CSMD1: variants seen among roughly 807,000 people sequenced by gnomAD.
The protein encoded by CSMD1 is CUB and Sushi multiple domains 1.
CSMD1 carries 213 observed loss-of-function variants against 417.5 expected under a neutral mutation model. The ratio of observed to expected loss-of-function variants is 0.51; its 90% CI spans 0.46 to 0.57. The LOEUF (loss-of-function observed/expected upper bound fraction) is 0.57. Ranked by LOEUF, CSMD1 falls within the 20% of genes least tolerant of loss-of-function variation. CSMD1 has a pLI of 0.00. For missense variants in CSMD1, 6,923 were observed against 4,529.7 expected, an observed-to-expected ratio of 1.53 and a Z score of -15.17; for synonymous variants, 2,862 against 1,736.8, an observed-to-expected ratio of 1.65 and a Z score of -16.11.
At chr8:3,731,200 G>C (rs937076825) in intron 6 of CSMD1, among the ~76,000 whole-genome samples, 6 of 152,082 alleles carry the variant, frequency 3.9e-5, no homozygotes, top group Admixed American at 3.3e-4. Flanking sequence ...TACCCATTAA[G>C]CAGTTTCTCC....
At chr8:3,541,279 G>C (rs1585331019) in intron 10 of CSMD1, among the ~76,000 whole-genome samples, 1 of 152,188 alleles carries the variant, frequency 6.6e-6, no homozygotes, top group Admixed American at 6.5e-5. Flanking sequence ...TGCAGGAACA[G>C]AAAACCAAAT....
Position 4,754,764 on chromosome 8 carries a change from G to A in CSMD1, c.86-117206C>T, listed in dbSNP as rs138665586. On this transcript the variant is annotated intron_variant, in intron 1 of 69. Coordinates refer to ENST00000635120, the MANE Select transcript of CSMD1 (RefSeq NM_033225.6). ...CTCAGGAGGCTGAGGCAGGAGATTC[G>A]TTTGAACCCAGGAAGCAGAGGTTGC... 6.6e-3 allele frequency among the ~76,000 whole-genome samples: 1,010 copies of A among 152,132 alleles called. 9 individuals are homozygous for A. Among genetic ancestry groups the A allele is most frequent in the African/African-American group, 0.024 (978 of 41,496 alleles).
At chr8:4,956,935 C>T (rs1442818844) in intron 1 of CSMD1, among the ~76,000 whole-genome samples, 1 of 152,164 alleles carries the variant, frequency 6.6e-6, no homozygotes, top group African/African-American at 2.4e-5. Context: ...TTGCACTGGA[C>T]ACAAGGGAGG....
chr8:4,934,748 T>C (rs67389062), intron 1 of CSMD1, among the ~76,000 whole-genome samples: 46,916 of 151,840 alleles, frequency 0.31, 8,173 homozygotes, highest in Non-Finnish European at 0.4. Context: ...ACTATCTATA[T>C]CTATCTACCT....
chr8:3,686,835 T>C (rs982348506), intron 7 of CSMD1, among the ~76,000 whole-genome samples: 6 of 152,202 alleles, frequency 3.9e-5, no homozygotes, highest in African/African-American at 1.4e-4. Flanking sequence ...CACATGAAAT[T>C]TGCATTAAAT....
intron 2 of CSMD1, among the ~76,000 whole-genome samples, chr8:4,634,786 AAAGAG>A (rs1563354629): frequency 6.6e-6 from 1 of 152,206 alleles, no homozygotes; most frequent in East Asian, 1.9e-4. Context: ...CTGAATGTTG[AAAGAG>A]AAAACACCTC....
At chr8:4,118,116 C>A (rs1422705154) in intron 3 of CSMD1, among the ~76,000 whole-genome samples, 1 of 151,692 alleles carries the variant, frequency 6.6e-6, no homozygotes, top group Non-Finnish European at 1.5e-5. Flanking sequence ...TGCAGGTGTA[C>A]AGAATAGTGA....
chr8:4,977,269 G>C (rs1304061588), intron 1 of CSMD1, among the ~76,000 whole-genome samples: 1 of 152,090 alleles, frequency 6.6e-6, no homozygotes, highest in Non-Finnish European at 1.5e-5. Context: ...GCAAAGGTAA[G>C]ACTGAACTTA....
intron 3 of CSMD1, among the ~76,000 whole-genome samples, chr8:4,378,256 T>G (rs775853241): frequency 1.3e-5 from 2 of 152,254 alleles, no homozygotes; most frequent in African/African-American, 4.8e-5. Context: ...CTATTAACAT[T>G]TGTCAATACA....
At chr8:3,760,803 T>C (rs1797952614) in intron 5 of CSMD1, among the ~76,000 whole-genome samples, 2 of 152,200 alleles carry the variant, frequency 1.3e-5, no homozygotes, top group South Asian at 4.1e-4. Context: ...TCTCTTTAAC[T>C]ATGATGACTC....
chr8:4,916,440 A>G (rs1453512528), intron 1 of CSMD1, among the ~76,000 whole-genome samples: 1 of 152,270 alleles, frequency 6.6e-6, no homozygotes, highest in East Asian at 1.9e-4. Context: ...TTTACATGAA[A>G]TCAATTGTTT....
chr8:3,521,210 A>G (rs563373040), intron 10 of CSMD1, among the ~76,000 whole-genome samples: 1 of 152,290 alleles, frequency 6.6e-6, no homozygotes, highest in South Asian at 2.1e-4. Flanking sequence ...ACCCTTGCTT[A>G]AACACCTTCC....
intron 4 of CSMD1, among the ~76,000 whole-genome samples, chr8:4,000,590 GC>G (rs1815591212): frequency 2.0e-5 from 3 of 152,082 alleles, no homozygotes; most frequent in African/African-American, 7.2e-5. Flanking sequence ...TTCTTTAAAC[GC>G]AAATATAAAT....
chr8:3,055,512 C>G (rs1160495738), intron 49 of CSMD1, among the ~76,000 whole-genome samples: 2 of 152,164 alleles, frequency 1.3e-5, no homozygotes, highest in African/African-American at 4.8e-5. Flanking sequence ...CAGTTTCCTG[C>G]TCAAGTTTAG....
intron 1 of CSMD1, among the ~76,000 whole-genome samples, chr8:4,686,763 G>A (rs1254588088): frequency 6.6e-6 from 1 of 152,196 alleles, no homozygotes; most frequent in East Asian, 1.9e-4. Flanking sequence ...AAGATCAGAA[G>A]AAAAGATCCT....
rs1241880345 is a variant in CSMD1, at chr8:4,467,130, AAAAAAAAAAAG to A, written c.303-47076_303-47066del. Among the ~76,000 whole-genome samples the A allele has an allele frequency of 1.1e-3, 162 of 150,740 alleles. 2 individuals carry two copies. Among genetic ancestry groups the A allele is most frequent in the African/African-American group, 3.9e-3 (157 of 40,778 alleles). Reference sequence around the variant, plus strand: ...CTCTAGATTCTTCAGAGTAAAAAAAAAAAAAAAAAAGAAAAAAAAAGAAAAAACAAATGTTG... The same window carrying A: ...CTCTAGATTCTTCAGAGTAAAAAAAAAAAAAAAAAGAAAAAACAAATGTTG... On this transcript the variant is annotated intron_variant, in intron 2 of 69. Transcript: ENST00000635120.
At chr8:4,994,310 G>A (rs1023232406) in intron 1 of CSMD1, 22 bp downstream of exon 1, 1 of 1,604,466 alleles carries the variant, frequency 6.2e-7, no homozygotes, top group South Asian at 1.1e-5. Flanking sequence ...CGCCTCCCCG[G>A]CCAGGAGCAA....
At chr8:4,050,433 T>C (rs1360071425) in intron 3 of CSMD1, among the ~76,000 whole-genome samples, 5 of 152,184 alleles carry the variant, frequency 3.3e-5, no homozygotes, top group African/African-American at 4.8e-5. Flanking sequence ...TTTTTGCATA[T>C]ATACATACTT....
intron 39 of CSMD1, among the ~76,000 whole-genome samples, chr8:3,151,824 G>A (rs1423886778): frequency 6.6e-6 from 1 of 152,200 alleles, no homozygotes; most frequent in Non-Finnish European, 1.5e-5. Flanking sequence ...ATGGACTTCA[G>A]TATATTAGCT....
Sources: gnomAD v4.1 joint callset for allele counts (sites outside exome capture counted in the v4.1 genomes callset) on GRCh38, gnomAD v4.1.1 for gene constraint, MANE v1.5 for transcripts, NCBI Gene and HGNC (gene_info 2026-07-23, HGNC 2026-07-21) for gene names.